Variants in KCNQ1 observed in about 807,000 individuals in gnomAD.
The protein encoded by KCNQ1 is potassium voltage-gated channel subfamily Q member 1, also known as potassium voltage-gated channel subfamily KQT member 1.
Under a neutral mutation model 72.4 loss-of-function variants are expected in KCNQ1, and 49 were observed. The ratio of observed to expected loss-of-function variants is 0.68; its 90% CI spans 0.54 to 0.86. The LOEUF is 0.86. Among genes scored for constraint, KCNQ1 ranks in the 40% least tolerant of loss-of-function variants. The pLI is 0.00. For missense variants in KCNQ1, 790 were observed against 945.1 expected (o/e 0.84, Z 2.15); for synonymous variants, 450 against 412.6 (o/e 1.09, Z -1.10).
rs530583906 is a variant in KCNQ1 at position 2,520,912 on chromosome 11, T to C, written c.387-7016T>C. On this transcript the variant is annotated intron_variant, in intron 1 of 15. Coordinates refer to ENST00000155840, the MANE Select transcript of KCNQ1 (RefSeq NM_000218.3). ...CTTTAGGTTCGCTTCACAAACCCAT[T>C]GTCTGCTTATCAGCCTGGCGAGGTC... is the stretch of plus-strand genomic sequence containing the variant. 2.6e-5 allele frequency among the ~76,000 whole-genome samples: 4 copies of C among 152,324 alleles called. No homozygotes were observed. The South Asian group carries it at 8.3e-4, about 32-fold the overall frequency.
At chr11:2,672,300 T>G in intron 11 of KCNQ1, 1 of 398,564 alleles carries the variant, frequency 2.5e-6, no homozygotes, top group African/African-American at 2.1e-5. Flanking sequence ...GTGTGTGGGC[T>G]CCAGGTGGGA....
At position 2,678,022 on chromosome 11, in the gene KCNQ1, G is replaced by GT. The variant is rs5789261; in HGVS notation, c.1514+15946dup. The GT allele has an allele frequency of 0.62, 246,241 of 398,236 alleles. 81,046 individuals are homozygous for GT. Among genetic ancestry groups the GT allele is most frequent in the East Asian group, 1 (27,916 of 28,022 alleles). 24.7% of individuals were successfully genotyped at this position (398,236 alleles called of 1,614,324 possible). A position where few individuals can be genotyped will look rare whatever the true frequency, so the allele number is the denominator to read the frequency against. On this transcript the variant is annotated intron_variant, in intron 11 of 15. Transcript: ENST00000155840. This position sits in a 1 kb window ranked among gnomAD's most constrained non-coding sequence, Gnocchi z 4.9. ...TCTTTCCAAATGCTTAAAATCATTT[G>GT]TTTTTCTTTCTTGTGAACTATTTCT...
rs1207007527 is a variant in KCNQ1 at position 2,735,638 on chromosome 11, C to T, written c.1515-33206C>T. ...TGACATGAGTCCACTCCGCTGTCAC[C>T]ACCAAGACCACAGTGGGGCAGTTTA... On this transcript the variant is annotated intron_variant, in intron 11 of 15. Transcript: ENST00000155840. This position sits in a 1 kb window ranked among gnomAD's most constrained non-coding sequence, Gnocchi z 7.7. Among the ~76,000 whole-genome samples the T allele has an allele frequency of 6.6e-6, 1 of 152,118 alleles. No homozygotes were observed. Among genetic ancestry groups the T allele is most frequent in the Non-Finnish European group, 1.5e-5 (1 of 68,020 alleles).
chr11:2,640,059 C>T (rs192016715), intron 10 of KCNQ1: 8 of 197,052 alleles, frequency 4.1e-5, no homozygotes, highest in African/African-American at 1.6e-4. Context: ...ATTGGAAAAG[C>T]ACAGTATTAG....
chr11:2,841,442 C>T (rs756137386), intron 15 of KCNQ1, among the ~76,000 whole-genome samples: 1 of 152,050 alleles, frequency 6.6e-6, no homozygotes, highest in Non-Finnish European at 1.5e-5. Context: ...ACAGTCCAGG[C>T]AGAAGATGCT....
Position 2,519,951 on chromosome 11 carries a change from C to G in KCNQ1, c.387-7977C>G, listed in dbSNP as rs576794549. 1.1e-4 allele frequency among the ~76,000 whole-genome samples: 16 copies of G among 152,342 alleles called. 1 individual carries two copies. In the East Asian group the frequency reaches 3.1e-3, roughly 29 times the overall value. ...CAGGACAGATTCAACAAAGGAGGAT[C>G]CGGCCACATGCTGCACAGCACGGGA... is the stretch of plus-strand genomic sequence containing the variant. On this transcript the variant is annotated intron_variant, in intron 1 of 15. Transcript: ENST00000155840.
At position 2,734,411 on chromosome 11, in the gene KCNQ1, A is replaced by C. The variant is rs1158876842; in HGVS notation, c.1515-34433A>C. The stretch of plus-strand genomic sequence containing the variant: ...AGCTTCACAGCCCCCCGGCCACCGC[A>C]GGTCGGGGGAGCACTGTCCCCGGGG... On this transcript the variant is annotated intron_variant, in intron 11 of 15. Transcript: ENST00000155840. The surrounding 1 kb of genome is among the most constrained non-coding windows in gnomAD (Gnocchi z 7.0). Among the ~76,000 whole-genome samples the C allele has an allele frequency of 2.6e-5, 4 of 152,234 alleles. No homozygotes were observed. Among genetic ancestry groups the C allele is most frequent in the African/African-American group, 7.2e-5 (3 of 41,476 alleles).
chr11:2,571,130 C>T (rs1022242985), intron 3 of KCNQ1, among the ~76,000 whole-genome samples, 195 bp from the exon 4 acceptor site: 2 of 152,212 alleles, frequency 1.3e-5, no homozygotes, highest in Non-Finnish European at 2.9e-5. Flanking sequence ...CTCCACATGG[C>T]CAGGACAGAG....
intron 2 of KCNQ1, among the ~76,000 whole-genome samples, chr11:2,545,574 TTA>T (rs776165487): frequency 4.6e-5 from 7 of 152,174 alleles, no homozygotes; most frequent in Non-Finnish European, 1.0e-4. Context: ...TTGATAATAG[TTA>T]TAGTCAGGTG....
rs1303726570 is a variant in KCNQ1 at position 2,495,142 on chromosome 11, T to C, written c.387-32786T>C. ...TATTTGCATGGAGGTGTTTTTAGTATTCTCTGATGGTAGTTTGTATTTCTG... is the reference window on the plus strand; with the variant it reads ...TATTTGCATGGAGGTGTTTTTAGTACTCTCTGATGGTAGTTTGTATTTCTG... On this transcript the variant is annotated intron_variant, in intron 1 of 15. Transcript: ENST00000155840. The surrounding 1 kb of genome is among the most constrained non-coding windows in gnomAD (Gnocchi z 4.6). Among the ~76,000 whole-genome samples the C allele has an allele frequency of 6.6e-6, 1 of 152,230 alleles. No homozygotes were observed. Among genetic ancestry groups the C allele is most frequent in the Non-Finnish European group, 1.5e-5 (1 of 68,046 alleles).
At chr11:2,517,271 TGCGG>T (rs1847303229) in intron 1 of KCNQ1, among the ~76,000 whole-genome samples, 3 of 152,118 alleles carry the variant, frequency 2.0e-5, no homozygotes, top group Admixed American at 2.0e-4. Context: ...CACCTCTTGG[TGCGG>T]GGGCATCCAG....
In KCNQ1 at chr11:2,550,758, CA is replaced by C. The variant is rs1847971285; in HGVS notation, c.478-19869del. Among the ~76,000 whole-genome samples the C allele has an allele frequency of 6.6e-6, 1 of 152,112 alleles. No individual in the cohort carries two copies. The highest frequency in any genetic ancestry group is 2.1e-4 in the South Asian group (1 of 4,826). ...GGCAGCACCAGGCTCAGCCCAGGAC[CA>C]GAGCGCAAATAGGGCTGGAGTCCCG... On this transcript the variant is annotated intron_variant, in intron 2 of 15. Coordinates refer to ENST00000155840, the MANE Select transcript of KCNQ1 (RefSeq NM_000218.3). The surrounding 1 kb of genome is among the most constrained non-coding windows in gnomAD (Gnocchi z 6.0).
At chr11:2,726,595 G>A (rs552894875) in intron 11 of KCNQ1, among the ~76,000 whole-genome samples, 28 of 147,506 alleles carry the variant, frequency 1.9e-4, no homozygotes, top group Non-Finnish European at 3.4e-4. Context: ...GTGGGACCCC[G>A]GTGAAGATCT....
In KCNQ1 at chr11:2,493,956, G is replaced by C. The variant is rs1480503162; in HGVS notation, c.387-33972G>C. ...CTTTGGGCAGTATGGCCATTTTCAT[G>C]ATACTGATTATTCCTATCCATGAGC... On this transcript the variant is annotated intron_variant, in intron 1 of 15. Transcript: ENST00000155840. The surrounding 1 kb of genome is among the most constrained non-coding windows in gnomAD (Gnocchi z 5.3). Among the ~76,000 whole-genome samples, 1 of 152,120 alleles carries C rather than the reference G, an allele frequency of 6.6e-6. No individual in the cohort carries two copies. The highest frequency in any genetic ancestry group is 6.5e-5 in the Admixed American group (1 of 15,278).
In KCNQ1 at chr11:2,579,224, A is replaced by G. The variant is rs1848463117; in HGVS notation, c.922-4211A>G. 6.6e-6 allele frequency among the ~76,000 whole-genome samples: 1 copy of G among 152,092 alleles called. No individual in the cohort carries two copies. Among genetic ancestry groups the G allele is most frequent in the African/African-American group, 2.4e-5 (1 of 41,426 alleles). The stretch of plus-strand genomic sequence containing the variant: ...GAGGAGGCTACTTCTGAAAGGAGGG[A>G]ATAGAATCCCAGTGTTTCTCAGGGA... On this transcript the variant is annotated intron_variant, in intron 6 of 15. Coordinates refer to ENST00000155840, the MANE Select transcript of KCNQ1 (RefSeq NM_000218.3). This position sits in a 1 kb window ranked among gnomAD's most constrained non-coding sequence, Gnocchi z 6.0.
chr11:2,604,083 A>G (rs1848845430), intron 10 of KCNQ1, among the ~76,000 whole-genome samples: 1 of 152,202 alleles, frequency 6.6e-6, no homozygotes, highest in Non-Finnish European at 1.5e-5. Context: ...GTTGATAAGC[A>G]TTTTAGATTG....
intron 10 of KCNQ1, chr11:2,634,113 T>G (rs1589994081): frequency 2.5e-6 from 1 of 397,458 alleles, no homozygotes; most frequent in Non-Finnish European, 4.4e-6. Flanking sequence ...TTTTTGCTAT[T>G]TCGGTGAAGA....
At chr11:2,648,492 G>T (rs967330051) in intron 10 of KCNQ1, 1 of 398,378 alleles carries the variant, frequency 2.5e-6, no homozygotes, top group Non-Finnish European at 4.4e-6. Flanking sequence ...TTGTTTCAAA[G>T]AATTTTTAAA....
chr11:2,591,410 C>A (rs763123703), intron 10 of KCNQ1, among the ~76,000 whole-genome samples: 3 of 152,242 alleles, frequency 2.0e-5, no homozygotes, highest in Admixed American at 1.3e-4. Flanking sequence ...TCTCAGTGAG[C>A]CCCCGGGACG....
Sources: allele counts gnomAD v4.1 joint callset (sites outside exome capture counted in the v4.1 genomes callset), GRCh38; gene constraint gnomAD v4.1.1; non-coding constraint Gnocchi (gnomAD v3.1); transcripts MANE v1.5; gene names NCBI Gene and HGNC (gene_info 2026-07-23, HGNC 2026-07-21).